Variants in GRIK2 observed in about 807,000 individuals in gnomAD.
GRIK2 encodes glutamate receptor ionotropic, kainate 2.
Under a neutral mutation model 100.3 loss-of-function variants are expected in GRIK2, and 32 were observed. That is an observed-to-expected ratio of 0.32 (90% CI 0.24 to 0.43). GRIK2 has a LOEUF of 0.43. Among genes scored for constraint, GRIK2 ranks in the 20% least tolerant of loss-of-function variants. The pLI is 1.00. For synonymous variants in GRIK2, 417 were observed against 389.4 expected (o/e 1.07, Z -0.83); for missense variants, 843 against 1,114.9 (o/e 0.76, Z 3.47).
chr6:101,511,667 A>C (rs1406906975), intron 2 of GRIK2, among the ~76,000 whole-genome samples: 2 of 152,060 alleles, frequency 1.3e-5, no homozygotes, highest in South Asian at 2.1e-4. Flanking sequence ...ATCGCTTCTC[A>C]GCCTATTGGC....
intron 10 of GRIK2, among the ~76,000 whole-genome samples, chr6:101,840,831 T>G (rs1783448621): frequency 1.3e-5 from 2 of 152,152 alleles, no homozygotes; most frequent in African/African-American, 4.8e-5. Context: ...CTTTGAGTAA[T>G]CTCATATTGG....
At position 102,055,467 on chromosome 6, in the gene GRIK2, G is replaced by A; in HGVS notation, c.2449G>A (p.Val817Ile). 6.2e-7 allele frequency: 1 copy of A among 1,613,810 alleles called. No individual in the cohort carries two copies. Among genetic ancestry groups the A allele is most frequent in the Non-Finnish European group, 8.5e-7 (1 of 1,179,812 alleles). Residue 817 changes from valine (V) to isoleucine (I), a missense_variant, in exon 16 of 17, where the codon GTT (valine) becomes ATT (isoleucine). Physicochemically the swap from Val to Ile is conservative, Grantham distance 29. Transcript: ENST00000369134. ...EESKEASALG[V>I]QNIGGIFIVL... ...GAGCAAAGAGGCCAGTGCCCTGGGG[G>A]TTCAGAATATTGGTGGCATCTTCAT...
At chr6:101,704,807 A>G (rs1168984445) in intron 7 of GRIK2, among the ~76,000 whole-genome samples, 2 of 151,278 alleles carry the variant, frequency 1.3e-5, no homozygotes, top group African/African-American at 4.8e-5. Context: ...CTTCAAAGAT[A>G]TCAAGTGTTT....
intron 7 of GRIK2, among the ~76,000 whole-genome samples, chr6:101,734,686 A>G (rs1196103531): frequency 1.3e-5 from 2 of 152,228 alleles, no homozygotes; most frequent in African/African-American, 2.4e-5. Context: ...CAGATCCTAC[A>G]GGGCCCTGAA....
At chr6:102,033,149 A>T (rs1306746408) in intron 14 of GRIK2, among the ~76,000 whole-genome samples, 2 of 151,518 alleles carry the variant, frequency 1.3e-5, no homozygotes, top group Admixed American at 6.6e-5. Flanking sequence ...AAATTTTAGT[A>T]TTTGTAAATA....
rs186097403 is a variant in GRIK2, at chr6:102,009,136, A to G, written c.2086-26205A>G. ...TGGTTACTAGATGGTTTATGTAGATATGTACTTTATGTTTTCTGAACACAT... is the reference window on the plus strand; with the variant it reads ...TGGTTACTAGATGGTTTATGTAGATGTGTACTTTATGTTTTCTGAACACAT... On this transcript the variant is annotated intron_variant, in intron 14 of 16. Transcript: ENST00000369134. Among the ~76,000 whole-genome samples the G allele has an allele frequency of 7.9e-5, 12 of 152,148 alleles. No individual in the cohort carries two copies. In the East Asian group the frequency reaches 2.1e-3, roughly 27 times the overall value.
At chr6:101,403,871 T>A (rs1213245840) in intron 2 of GRIK2, among the ~76,000 whole-genome samples, 1 of 152,058 alleles carries the variant, frequency 6.6e-6, no homozygotes, top group Non-Finnish European at 1.5e-5. Flanking sequence ...GGGAGAGAAA[T>A]CATTCCAAGA....
chr6:101,393,871 G>C (rs760827543), intron 1 of GRIK2, among the ~76,000 whole-genome samples, 34 bp downstream of exon 1: 4 of 152,218 alleles, frequency 2.6e-5, no homozygotes, highest in Non-Finnish European at 4.4e-5. Context: ...TGCACTCCGG[G>C]CTCCTTCACG....
At chr6:101,884,587 T>A (rs562482866) in intron 11 of GRIK2, among the ~76,000 whole-genome samples, 2 of 152,296 alleles carry the variant, frequency 1.3e-5, no homozygotes, top group South Asian at 4.1e-4. Flanking sequence ...TTTTTACCAT[T>A]GCTTTATAAG....
intron 4 of GRIK2, among the ~76,000 whole-genome samples, chr6:101,671,254 A>G (rs1270387136): frequency 6.6e-6 from 1 of 152,186 alleles, no homozygotes; most frequent in Non-Finnish European, 1.5e-5. Flanking sequence ...TATTTGAAAT[A>G]TGTGCTATAT....
At chr6:101,933,920 G>A (rs1790450777) in intron 14 of GRIK2, among the ~76,000 whole-genome samples, 1 of 151,874 alleles carries the variant, frequency 6.6e-6, no homozygotes, top group African/African-American at 2.4e-5. Context: ...TAGGTAGAAC[G>A]TTTTAATTTT....
chr6:102,027,237 C>T (rs1769752623), intron 14 of GRIK2, among the ~76,000 whole-genome samples: 1 of 151,144 alleles, frequency 6.6e-6, no homozygotes, highest in African/African-American at 2.4e-5. Context: ...GTACCAAATA[C>T]CACAAAATTT....
At chr6:101,451,315 A>G (rs1387411635) in intron 2 of GRIK2, among the ~76,000 whole-genome samples, 1 of 151,206 alleles carries the variant, frequency 6.6e-6, no homozygotes, top group Non-Finnish European at 1.5e-5. Context: ...GCTATATAGT[A>G]CTCCTTGCTT....
intron 6 of GRIK2, among the ~76,000 whole-genome samples, chr6:101,685,522 C>T (rs1771613255): frequency 1.3e-5 from 2 of 152,064 alleles, no homozygotes; most frequent in Admixed American, 1.3e-4. Context: ...CTCATATCTC[C>T]TGGGACAACT....
intron 7 of GRIK2, among the ~76,000 whole-genome samples, chr6:101,780,252 T>C (rs1779006254): frequency 6.6e-6 from 1 of 152,142 alleles, no homozygotes; most frequent in Non-Finnish European, 1.5e-5. Flanking sequence ...CCCCCTAAAC[T>C]GTGAGATCTT....
chr6:101,811,514 C>A (rs1781322622), intron 9 of GRIK2, among the ~76,000 whole-genome samples: 1 of 151,802 alleles, frequency 6.6e-6, no homozygotes, highest in South Asian at 2.1e-4. Context: ...TAAATTATTT[C>A]TTAATTTAAA....
chr6:101,708,171 A>G (rs1773466951), intron 7 of GRIK2, among the ~76,000 whole-genome samples: 1 of 151,776 alleles, frequency 6.6e-6, no homozygotes, highest in Non-Finnish European at 1.5e-5. Context: ...GGAATCTTTT[A>G]TTCCGTATTT....
rs1367580764 is a variant in GRIK2, at chr6:101,479,876, T to C, written c.115+80484T>C. Among the ~76,000 whole-genome samples, 7 of 152,298 alleles carry C rather than the reference T, an allele frequency of 4.6e-5. No homozygotes were observed. The East Asian group carries it at 1.4e-3, about 29-fold the overall frequency. On this transcript the variant is annotated intron_variant, in intron 2 of 16. Transcript: ENST00000369134. Reference sequence around the variant, plus strand: ...ATTAAGACAATATTTTAATTTCCTGTTTTAAGGTTTTTTATTTGAAAAGAC... The same window carrying C: ...ATTAAGACAATATTTTAATTTCCTGCTTTAAGGTTTTTTATTTGAAAAGAC...
intron 2 of GRIK2, among the ~76,000 whole-genome samples, chr6:101,448,022 G>A (rs1282296494): frequency 1.3e-5 from 2 of 151,592 alleles, no homozygotes; most frequent in Non-Finnish European, 3.0e-5. Flanking sequence ...CTATAATTCA[G>A]GCTTGAATTA....
Sources: allele counts gnomAD v4.1 joint callset (sites outside exome capture counted in the v4.1 genomes callset), GRCh38; gene constraint gnomAD v4.1.1; transcripts MANE v1.5; gene names NCBI Gene and HGNC (gene_info 2026-07-23, HGNC 2026-07-21).